Variants in NSRP1 observed in about 807,000 individuals in gnomAD.
NSRP1 encodes the protein coiled-coil domain containing 55.
A neutral mutation model predicts 54.7 loss-of-function variants in NSRP1; 24 were observed. The ratio of observed to expected loss-of-function variants is 0.44; its 90% CI spans 0.32 to 0.62. The LOEUF (loss-of-function observed/expected upper bound fraction) is 0.62, where lower values mean the gene tolerates loss of function less well. NSRP1 is among the 20% of genes least tolerant of loss of function. NSRP1 has a pLI of 0.06. For synonymous variants in NSRP1, 210 were observed against 213.8 expected (o/e 0.98, Z 0.15); for missense variants, 596 against 651.2 (o/e 0.92, Z 0.92).
At chr17:30,129,236 T>C (rs2151879366) in intron 2 of NSRP1, among the ~76,000 whole-genome samples, 1 of 152,148 alleles carries the variant, frequency 6.6e-6, no homozygotes, top group South Asian at 2.1e-4. Flanking sequence ...TTTAAAAGCA[T>C]GAGGTAGATG....
chr17:30,164,541 A>T (rs1338009771), intron 2 of NSRP1, among the ~76,000 whole-genome samples: 4 of 152,206 alleles, frequency 2.6e-5, no homozygotes, highest in Non-Finnish European at 5.9e-5. Context: ...TTATGCCTAT[A>T]ATCCCAGCAC....
At chr17:30,140,749 C>T (rs979477555) in intron 2 of NSRP1, among the ~76,000 whole-genome samples, 2 of 151,794 alleles carry the variant, frequency 1.3e-5, no homozygotes, top group East Asian at 1.9e-4. Flanking sequence ...AGGCTGGTCT[C>T]GAACTCCTGA....
chr17:30,146,155 T>C (rs770014401), intron 2 of NSRP1, among the ~76,000 whole-genome samples: 1 of 152,178 alleles, frequency 6.6e-6, no homozygotes, highest in African/African-American at 2.4e-5. Flanking sequence ...GGCCAAAATA[T>C]CGTTTTTTAA....
At chr17:30,167,650 G>A (rs1326580565) in intron 2 of NSRP1, among the ~76,000 whole-genome samples, 1 of 151,856 alleles carries the variant, frequency 6.6e-6, no homozygotes, top group Admixed American at 6.6e-5. Context: ...TTTAATTGTA[G>A]TAGTTTTTTT....
At chr17:30,152,903 C>CTTTTTT (rs60246615) in intron 2 of NSRP1, among the ~76,000 whole-genome samples, 6 of 46,916 alleles carry the variant, frequency 1.3e-4, no homozygotes, top group Non-Finnish European at 1.5e-4. Context: ...TTATTTTCAG[C>CTTTTTT]TTTTTTTTTT....
At chr17:30,140,574 G>A (rs1351997063) in intron 2 of NSRP1, among the ~76,000 whole-genome samples, 1 of 128,938 alleles carries the variant, frequency 7.8e-6, no homozygotes, top group Non-Finnish European at 1.6e-5. Flanking sequence ...TGTGGCCCAG[G>A]TTGGAGTGCA....
intron 3 of NSRP1, among the ~76,000 whole-genome samples, chr17:30,176,504 G>A (rs1905130101): frequency 6.6e-6 from 1 of 151,934 alleles, no homozygotes; most frequent in Non-Finnish European, 1.5e-5. Flanking sequence ...TAGCTACTCA[G>A]GAGGCTGAGG....
intron 2 of NSRP1, 23 bp downstream of exon 2, chr17:30,118,196 C>T (rs1168184661): frequency 5.1e-6 from 8 of 1,567,152 alleles, no homozygotes; most frequent in East Asian, 2.2e-5. Context: ...ATGTTTTACT[C>T]GTGCATGGTT....
intron 2 of NSRP1, chr17:30,128,048 A>C: frequency 2.6e-6 from 1 of 383,858 alleles, no homozygotes; most frequent in Non-Finnish European, 4.6e-6. Flanking sequence ...TGCGTTGCCT[A>C]GGCTGCTCTT....
chr17:30,138,912 T>TTTTG, intron 2 of NSRP1, among the ~76,000 whole-genome samples: 1 of 122,610 alleles, frequency 8.2e-6, no homozygotes, highest in Non-Finnish European at 1.8e-5. Context: ...TCTTAGCGTT[T>TTTTG]TTTTTTTTTT....
intron 2 of NSRP1, among the ~76,000 whole-genome samples, chr17:30,129,233 G>A (rs1330177361): frequency 1.3e-5 from 2 of 151,984 alleles, no homozygotes; most frequent in Non-Finnish European, 2.9e-5. Context: ...CATTTTAAAA[G>A]CATGAGGTAG....
intron 2 of NSRP1, among the ~76,000 whole-genome samples, chr17:30,132,402 AAGTT>A (rs1397281123): frequency 3.3e-5 from 5 of 151,890 alleles, no homozygotes; most frequent in Non-Finnish European, 5.9e-5. Context: ...AAAAATAAAA[AAGTT>A]AGCCAGTTGT....
At chr17:30,135,858 A>G (rs143946737) in intron 2 of NSRP1, among the ~76,000 whole-genome samples, 41 of 152,286 alleles carry the variant, frequency 2.7e-4, no homozygotes, top group African/African-American at 9.4e-4. Flanking sequence ...CTAAACATGC[A>G]TATAGATGAA....
intron 2 of NSRP1, among the ~76,000 whole-genome samples, chr17:30,169,683 G>A (rs1331658981): frequency 6.6e-6 from 1 of 151,960 alleles, no homozygotes; most frequent in Non-Finnish European, 1.5e-5. Context: ...TACTGTTTTT[G>A]TTATCAACAT....
At chr17:30,135,774 C>T (rs953984567) in intron 2 of NSRP1, among the ~76,000 whole-genome samples, 1 of 151,946 alleles carries the variant, frequency 6.6e-6, no homozygotes, top group African/African-American at 2.4e-5. Context: ...CCGGTGTTGG[C>T]ACCAGTTTTT....
At chr17:30,156,092 G>A (rs542860764) in intron 2 of NSRP1, among the ~76,000 whole-genome samples, 34 of 151,820 alleles carry the variant, frequency 2.2e-4, no homozygotes, top group Admixed American at 1.0e-3. Context: ...TGCCCGCCTC[G>A]GCCTCCCAAA....
intron 2 of NSRP1, among the ~76,000 whole-genome samples, chr17:30,171,972 A>ACACCCC (rs1169988659): frequency 2.1e-5 from 1 of 46,584 alleles, no homozygotes. Context: ...ACACACACAC[A>ACACCCC]CTCCCTCTCT....
At chr17:30,179,585 CATTT>C (rs1470515189) in intron 5 of NSRP1, among the ~76,000 whole-genome samples, 3 of 152,122 alleles carry the variant, frequency 2.0e-5, no homozygotes, top group Non-Finnish European at 2.9e-5. Flanking sequence ...AATGTAAAAA[CATTT>C]ATTACAAAGT....
intron 2 of NSRP1, among the ~76,000 whole-genome samples, chr17:30,152,351 C>T (rs1406988012): frequency 6.6e-6 from 1 of 151,508 alleles, no homozygotes; most frequent in East Asian, 1.9e-4. Context: ...AACTCCTGAC[C>T]TCATGATCTG....
Sources: gnomAD v4.1 joint callset for allele counts (sites outside exome capture counted in the v4.1 genomes callset) on GRCh38, gnomAD v4.1.1 for gene constraint, MANE v1.5 for transcripts, NCBI Gene and HGNC (gene_info 2026-07-23, HGNC 2026-07-21) for gene names.